Variants in FBXL17 observed in about 807,000 individuals in gnomAD.
FBXL17 encodes the protein F-box and leucine rich repeat protein 17, also known as F-box/LRR-repeat protein 17.
FBXL17 carries 22 observed loss-of-function variants against 66.2 expected under a neutral mutation model. That is an observed-to-expected ratio of 0.33 (90% CI 0.24 to 0.47). The LOEUF (loss-of-function observed/expected upper bound fraction) is 0.47, where lower values mean the gene tolerates loss of function less well. FBXL17 is among the 20% of genes least tolerant of loss of function. FBXL17 has a pLI of 1.00. For missense variants in FBXL17, 878 were observed against 948.2 expected (o/e 0.93, Z 0.97); for synonymous variants, 474 against 400.5 (o/e 1.18, Z -2.19).
At chr5:107,874,665 G>A (rs1371400986) in intron 8 of FBXL17, among the ~76,000 whole-genome samples, 1 of 152,130 alleles carries the variant, frequency 6.6e-6, no homozygotes, top group African/African-American at 2.4e-5. Context: ...TTAAATACCG[G>A]AAAGGACTTT....
chr5:108,312,760 TA>T (rs1759184082), intron 4 of FBXL17, among the ~76,000 whole-genome samples: 1 of 152,144 alleles, frequency 6.6e-6, no homozygotes, highest in Admixed American at 6.6e-5. Flanking sequence ...CCAATTTAGT[TA>T]TTCTATGTAA....
At chr5:108,335,476 TG>T (rs1760336905) in intron 4 of FBXL17, among the ~76,000 whole-genome samples, 1 of 151,942 alleles carries the variant, frequency 6.6e-6, no homozygotes, top group Admixed American at 6.6e-5. Flanking sequence ...ACCTTAGACA[TG>T]TACTAATATA....
intron 5 of FBXL17, among the ~76,000 whole-genome samples, chr5:108,218,928 T>C (rs1754728553): frequency 6.6e-6 from 1 of 152,208 alleles, no homozygotes; most frequent in Admixed American, 6.5e-5. Flanking sequence ...TGGATTTTTG[T>C]GTATTGATTT....
chr5:108,172,163 C>T (rs968784203), intron 6 of FBXL17, among the ~76,000 whole-genome samples: 3 of 152,218 alleles, frequency 2.0e-5, no homozygotes, highest in Admixed American at 2.0e-4. Flanking sequence ...TTGGTTCTGG[C>T]TGTTGTTTAG....
chr5:108,150,003 A>G (rs1751706701), intron 6 of FBXL17, among the ~76,000 whole-genome samples: 1 of 152,208 alleles, frequency 6.6e-6, no homozygotes. Context: ...AGTAGAATGT[A>G]CACCCATGAA....
At chr5:108,243,450 T>C (rs1352515452) in intron 4 of FBXL17, among the ~76,000 whole-genome samples, 1 of 152,158 alleles carries the variant, frequency 6.6e-6, no homozygotes, top group African/African-American at 2.4e-5. Flanking sequence ...AAAGCACTTT[T>C]TGTCACACAC....
intron 6 of FBXL17, among the ~76,000 whole-genome samples, chr5:108,025,167 A>T (rs1192724441): frequency 6.6e-6 from 1 of 152,148 alleles, no homozygotes; most frequent in Non-Finnish European, 1.5e-5. Context: ...AGACCTTGTT[A>T]CTGTTTGTGA....
intron 4 of FBXL17, among the ~76,000 whole-genome samples, chr5:108,245,300 A>T (rs542952238): frequency 1.3e-5 from 2 of 152,278 alleles, no homozygotes; most frequent in East Asian, 3.9e-4. Context: ...ATGCTTCCCA[A>T]GATGAATAAA....
intron 4 of FBXL17, among the ~76,000 whole-genome samples, chr5:108,240,582 T>C (rs936029697): frequency 1.3e-5 from 2 of 152,076 alleles, no homozygotes; most frequent in Admixed American, 6.5e-5. Context: ...CTGATTCCAG[T>C]CCCTAGACAC....
chr5:108,286,234 G>C (rs1240224558), intron 4 of FBXL17, among the ~76,000 whole-genome samples: 2 of 151,916 alleles, frequency 1.3e-5, no homozygotes, highest in Non-Finnish European at 2.9e-5. Flanking sequence ...ACCAGAACAA[G>C]AACAGGATGT....
intron 8 of FBXL17, chr5:107,878,410 G>T: frequency 1.5e-6 from 1 of 647,340 alleles, no homozygotes; most frequent in Non-Finnish European, 1.9e-6. Flanking sequence ...AGTGCTTTAT[G>T]TATGTTAACT....
intron 6 of FBXL17, among the ~76,000 whole-genome samples, chr5:108,133,951 T>C (rs1006565291): frequency 2.0e-5 from 3 of 152,126 alleles, no homozygotes; most frequent in Non-Finnish European, 2.9e-5. Context: ...TGGAAGAATA[T>C]ATATTTTTAA....
chr5:108,182,891 A>C (rs1318731975), intron 6 of FBXL17, among the ~76,000 whole-genome samples: 1 of 152,202 alleles, frequency 6.6e-6, no homozygotes, highest in African/African-American at 2.4e-5. Context: ...CAAAATATTT[A>C]CTTAGATAAC....
intron 4 of FBXL17, among the ~76,000 whole-genome samples, chr5:108,265,919 C>A (rs1757027909): frequency 6.6e-6 from 1 of 152,104 alleles, no homozygotes; most frequent in Admixed American, 6.6e-5. Context: ...AGGTTCGACA[C>A]TACAATTAAG....
At chr5:108,272,940 C>T (rs566988622) in intron 4 of FBXL17, among the ~76,000 whole-genome samples, 65 of 152,226 alleles carry the variant, frequency 4.3e-4, no homozygotes, top group Non-Finnish European at 7.8e-4. Flanking sequence ...TTTCTATTTT[C>T]CCTAAGTGTC....
At chr5:108,301,347 A>G (rs1044464464) in intron 4 of FBXL17, among the ~76,000 whole-genome samples, 2 of 151,836 alleles carry the variant, frequency 1.3e-5, no homozygotes, top group African/African-American at 2.4e-5. Flanking sequence ...TCATTTTTTC[A>G]TAGAGAACTG....
intron 6 of FBXL17, among the ~76,000 whole-genome samples, chr5:108,071,027 T>C (rs1049670819): frequency 3.9e-5 from 6 of 152,256 alleles, no homozygotes; most frequent in African/African-American, 9.6e-5. Context: ...AGTTTCTTGA[T>C]GGAGAAAATG....
At chr5:108,006,237 CA>C (rs962790651) in intron 7 of FBXL17, among the ~76,000 whole-genome samples, 1 of 152,050 alleles carries the variant, frequency 6.6e-6, no homozygotes, top group African/African-American at 2.4e-5. Flanking sequence ...TTAATTCATT[CA>C]AAAAATTGTA....
chr5:107,877,867 C>A (rs758749285), intron 8 of FBXL17, among the ~76,000 whole-genome samples: 1 of 152,170 alleles, frequency 6.6e-6, no homozygotes, highest in Admixed American at 6.5e-5. Flanking sequence ...TTTGCTGGCA[C>A]AGATGATCAC....
Sources: gnomAD v4.1 joint callset for allele counts (sites outside exome capture counted in the v4.1 genomes callset) on GRCh38, gnomAD v4.1.1 for gene constraint, MANE v1.5 for transcripts, NCBI Gene and HGNC (gene_info 2026-07-23, HGNC 2026-07-21) for gene names.